THADA: variants seen among roughly 807,000 people sequenced by gnomAD.
THADA encodes tRNA (32-2'-O)-methyltransferase regulator THADA.
A neutral mutation model predicts 219.8 loss-of-function variants in THADA; 213 were observed. The observed-to-expected ratio is 0.97, with a 90% confidence interval of 0.87 to 1.09. The LOEUF (loss-of-function observed/expected upper bound fraction) is 1.09, where lower values mean the gene tolerates loss of function less well. Ranked by LOEUF, THADA falls within the 50% of genes least tolerant of loss-of-function variation. The pLI, the probability that THADA is intolerant of heterozygous loss-of-function variation, is 0.00. For missense variants in THADA, 2,956 were observed against 2,311.3 expected (o/e 1.28, Z -5.72); for synonymous variants, 1,018 against 828.9 (o/e 1.23, Z -3.92).
At chr2:43,493,101 C>T (rs546359925) in intron 25 of THADA, among the ~76,000 whole-genome samples, 1 of 152,174 alleles carries the variant, frequency 6.6e-6, no homozygotes, top group African/African-American at 2.4e-5. Context: ...CATGGCAGCA[C>T]TACTGGGCAG....
At chr2:43,423,643 A>G (rs1216875212) in intron 28 of THADA, among the ~76,000 whole-genome samples, 3 of 152,058 alleles carry the variant, frequency 2.0e-5, no homozygotes, top group Non-Finnish European at 4.4e-5. Flanking sequence ...CGTGTTAGCC[A>G]GGATGGTCTC....
At position 43,286,933 on chromosome 2, in the gene THADA, G is replaced by A. The variant is rs1261533203; in HGVS notation, c.5139C>T (p.Phe1713=). The A allele has an allele frequency of 1.9e-6, 3 of 1,613,194 alleles. No homozygotes were observed. The highest frequency in any genetic ancestry group is 1.7e-6 in the Non-Finnish European group (2 of 1,179,312). The change falls in exon 35 of 38, where the codon TTC becomes TTT. Residue 1713 remains phenylalanine, a synonymous_variant. Transcript: ENST00000405975. ...VEVLTSTTPL[F]LTNPHPILEL... Reference sequence around the variant, plus strand: ...CAAGAATAGGATGGGGGTTGGTGAGGAAAAGTGGTGTAGTACTGGTGAGGA... The same window carrying A: ...CAAGAATAGGATGGGGGTTGGTGAGAAAAAGTGGTGTAGTACTGGTGAGGA...
chr2:43,472,225 A>G (rs755206078), intron 26 of THADA, among the ~76,000 whole-genome samples: 8 of 152,232 alleles, frequency 5.3e-5, no homozygotes, highest in Non-Finnish European at 8.8e-5. Flanking sequence ...CTGAAAACAG[A>G]AAGGTTAAAA....
intron 26 of THADA, among the ~76,000 whole-genome samples, chr2:43,444,193 C>T (rs1331573710): frequency 6.6e-6 from 1 of 152,170 alleles, no homozygotes. Flanking sequence ...CCATCTACAC[C>T]TCCCTCCTCA....
chr2:43,452,347 C>T (rs1682451497), intron 26 of THADA, among the ~76,000 whole-genome samples: 1 of 152,036 alleles, frequency 6.6e-6, no homozygotes, highest in Non-Finnish European at 1.5e-5. Context: ...GAAGTATTTT[C>T]AAATGACTGT....
At chr2:43,537,884 G>A (rs1216498771) in intron 21 of THADA, among the ~76,000 whole-genome samples, 3 of 148,688 alleles carry the variant, frequency 2.0e-5, no homozygotes, top group African/African-American at 7.5e-5. Flanking sequence ...AGGCTGAAGT[G>A]AGTCAAAATG....
intron 25 of THADA, among the ~76,000 whole-genome samples, chr2:43,491,166 G>A (rs1471252175): frequency 1.3e-5 from 2 of 152,114 alleles, no homozygotes; most frequent in Non-Finnish European, 2.9e-5. Context: ...TAACAAGGAG[G>A]AAACTGAAGT....
In THADA at chr2:43,344,165, C is replaced by CA; in HGVS notation, c.4299dup (p.Asp1434Ter). 2 of 1,612,394 alleles carry CA rather than the reference C, an allele frequency of 1.2e-6. No homozygotes were observed. The highest frequency in any genetic ancestry group is 1.7e-6 in the Non-Finnish European group (2 of 1,179,352). On this transcript the variant is annotated frameshift_variant, in exon 30 of 38. Transcript: ENST00000405975. LOFTEE classifies it high-confidence loss of function. ...TTGGCTTTGGTACAAACAGTGATGT[C>CA]AGTCAGCTCGTGCTGGAAGTCTGAA...
At chr2:43,553,702 C>T (rs189305626) in intron 17 of THADA, among the ~76,000 whole-genome samples, 29 of 152,294 alleles carry the variant, frequency 1.9e-4, no homozygotes, top group African/African-American at 6.7e-4. Context: ...AGACTATTTT[C>T]CAAAGCAGAT....
rs777912941 is a variant in THADA at position 43,398,005 on chromosome 2, A to C, written c.4193T>G (p.Phe1398Cys). 6.2e-7 allele frequency: 1 copy of C among 1,613,972 alleles called. No homozygotes were observed. Among genetic ancestry groups the C allele is most frequent in the South Asian group, 1.1e-5 (1 of 91,066 alleles). Residue 1398 changes from phenylalanine to cysteine, a missense_variant, in exon 29 of 38, where the codon TTC (phenylalanine) becomes TGC (cysteine). Physicochemically the swap from Phe to Cys is radical, Grantham distance 205. Coordinates refer to ENST00000405975, the MANE Select transcript of THADA (RefSeq NM_022065.5). ...TGTCCCATGAATGTGGTTTTGCCGGAAACACTGGTCAGTGCAGCTGGGGAG... is the reference window on the plus strand; with the variant it reads ...TGTCCCATGAATGTGGTTTTGCCGGCAACACTGGTCAGTGCAGCTGGGGAG... ...STLPSCTDQCFRQNHIHGTLL... is the reference protein window; with the variant it reads ...STLPSCTDQCCRQNHIHGTLL...
intron 16 of THADA, among the ~76,000 whole-genome samples, chr2:43,558,130 C>G (rs1574250399): frequency 6.6e-6 from 1 of 152,060 alleles, no homozygotes; most frequent in Non-Finnish European, 1.5e-5. Context: ...CATCTTAGGT[C>G]AATCGAAGTA....
At chr2:43,439,744 T>C (rs1279878932) in intron 26 of THADA, among the ~76,000 whole-genome samples, 2 of 152,204 alleles carry the variant, frequency 1.3e-5, no homozygotes, top group Non-Finnish European at 2.9e-5. Flanking sequence ...GTATCCATGG[T>C]TCGAGGCATC....
intron 26 of THADA, among the ~76,000 whole-genome samples, chr2:43,461,378 C>T (rs983807247): frequency 2.0e-5 from 3 of 152,128 alleles, no homozygotes; most frequent in African/African-American, 7.2e-5. Context: ...GTGCAGGAAC[C>T]ATTGAAAGGT....
chr2:43,286,118 A>C (rs1395482302), intron 35 of THADA, among the ~76,000 whole-genome samples: 1 of 152,182 alleles, frequency 6.6e-6, no homozygotes, highest in Non-Finnish European at 1.5e-5. Flanking sequence ...GGCCTCCCAG[A>C]AGAGGGGACA....
chr2:43,398,477 T>C (rs144050375), intron 28 of THADA, among the ~76,000 whole-genome samples: 1 of 152,214 alleles, frequency 6.6e-6, no homozygotes, highest in African/African-American at 2.4e-5. Context: ...ATAAGTGCCA[T>C]AAAAAATAAG....
chr2:43,342,169 T>A (rs894518241), intron 30 of THADA, among the ~76,000 whole-genome samples: 2 of 152,166 alleles, frequency 1.3e-5, no homozygotes, highest in African/African-American at 4.8e-5. Flanking sequence ...TGAGCCGTGG[T>A]AGCGCCACTG....
intron 36 of THADA, among the ~76,000 whole-genome samples, chr2:43,233,929 C>T (rs1667733142): frequency 6.6e-6 from 1 of 152,156 alleles, no homozygotes; most frequent in Non-Finnish European, 1.5e-5. Context: ...CCTGATCACT[C>T]CCAAATCCAC....
chr2:43,316,999 A>C (rs926019437), intron 31 of THADA, among the ~76,000 whole-genome samples: 1 of 152,252 alleles, frequency 6.6e-6, no homozygotes, highest in African/African-American at 2.4e-5. Context: ...CATTCTTCAC[A>C]GACAGCTTCA....
In THADA at chr2:43,498,869, C is replaced by G; in HGVS notation, c.3708G>C (p.Lys1236Asn). The stretch of plus-strand genomic sequence containing the variant: ...GTGATGTAAAACCCAGAATTGCAGC[C>G]TTAGCTCCATCAGCAACATAAGGAA... ...NIIPYVADGA[K>N]AAILGFTSPV... Residue 1236 changes from lysine to asparagine, a missense_variant, in exon 25 of 38, where the codon AAG becomes AAC. Lys to Asn is a moderately conservative substitution (Grantham distance 94). Transcript: ENST00000405975. 1.2e-6 allele frequency: 2 copies of G among 1,612,732 alleles called. No individual in the cohort carries two copies. Among genetic ancestry groups the G allele is most frequent in the South Asian group, 2.2e-5 (2 of 90,580 alleles).
Sources: allele counts gnomAD v4.1 joint callset (sites outside exome capture counted in the v4.1 genomes callset), GRCh38; gene constraint gnomAD v4.1.1; transcripts MANE v1.5; gene names NCBI Gene and HGNC (gene_info 2026-07-23, HGNC 2026-07-21).